Variants in DROSHA observed in about 807,000 individuals in gnomAD.
DROSHA encodes the protein ribonuclease 3.
A neutral mutation model predicts 181.9 loss-of-function variants in DROSHA; 56 were observed. The observed-to-expected ratio is 0.31, with a 90% CI of 0.25 to 0.38. DROSHA has a LOEUF of 0.38. DROSHA is among the 10% of genes least tolerant of loss of function. The pLI, the probability that DROSHA is intolerant of heterozygous loss-of-function variation, is 1.00. For missense variants in DROSHA, 1,218 were observed against 1,743.5 expected (o/e 0.70, Z 5.37); for synonymous variants, 524 against 591.2 (o/e 0.89, Z 1.65).
Position 31,515,017 on chromosome 5 carries a change from A to G in DROSHA, c.1261T>C (p.Tyr421His). The G allele has an allele frequency of 1.9e-6, 3 of 1,613,940 alleles. No individual in the cohort carries two copies. The highest frequency in any genetic ancestry group is 2.5e-6 in the Non-Finnish European group (3 of 1,179,874). The change falls in exon 8 of 36, where the codon TAC becomes CAC. Residue 421 changes from tyrosine to histidine, a missense_variant. By Grantham distance (83) the Tyr-to-His change is moderately conservative (BLOSUM62 2). Around this residue, in one of 8 missense-constraint regions of DROSHA, gnomAD observed 460 missense variants for 774.2 expected, o/e 0.59. Coordinates refer to ENST00000344624, the MANE Select transcript of DROSHA (RefSeq NM_001382508.1). ...TGATCCATGGGGTCACTGGAGTAGT[A>G]GTTTTCTGAATGAGTGCATCGAATC... ...VWIRCTHSEN[Y>H]YSSDPMDQVG...
intron 27 of DROSHA, among the ~76,000 whole-genome samples, chr5:31,427,782 A>G (rs1317191583): frequency 6.6e-6 from 1 of 152,204 alleles, no homozygotes; most frequent in African/African-American, 2.4e-5. Context: ...TTAGGCTTTC[A>G]TGATGCCTTA....
Position 31,448,586 on chromosome 5 carries a change from A to G in DROSHA, c.2843T>C (p.Ile948Thr). Residue 948 changes from isoleucine (I) to threonine (T), a missense_variant, in exon 23 of 36, where the codon ATC (isoleucine) becomes ACC (threonine). This residue lies in a region of DROSHA where 460 missense variants were observed against 774.2 expected (regional missense o/e 0.59). Transcript: ENST00000344624. Reference sequence around the variant, plus strand: ...GTCATCTTGGCCAAGGCGTGACATGATATTTATCAAGGTGTTAATCCCTAT... The same window carrying G: ...GTCATCTTGGCCAAGGCGTGACATGGTATTTATCAAGGTGTTAATCCCTAT... ...RKKGINTLIN[I>T]MSRLGQDDPT... The G allele has an allele frequency of 1.9e-6, 3 of 1,613,702 alleles. No individual in the cohort carries two copies. The highest frequency in any genetic ancestry group is 1.7e-6 in the Non-Finnish European group (2 of 1,179,720).
At chr5:31,437,344 T>TC (rs757042298) in intron 23 of DROSHA, 46 bp from the exon 24 acceptor site, 79 of 1,497,558 alleles carry the variant, frequency 5.3e-5, no homozygotes, top group Middle Eastern at 2.4e-4. Flanking sequence ...ATATTAACAC[T>TC]CCCCCCCACC....
chr5:31,515,438 C>G lies in DROSHA; in HGVS notation c.1058+16G>C, dbSNP rs1290518539. On this transcript the variant is annotated intron_variant, in intron 7 of 35. Coordinates refer to ENST00000344624, the MANE Select transcript of DROSHA (RefSeq NM_001382508.1). ...TAAAAATACAAATTCCCAGGCCCCA[C>G]CCCAGATCTACTTACTGATTCACAA... The G allele has an allele frequency of 8.3e-7, 1 of 1,210,838 alleles. No individual in the cohort carries two copies. The highest frequency in any genetic ancestry group is 1.2e-6 in the Non-Finnish European group (1 of 837,966). 75.0% of individuals were successfully genotyped at this position (1,210,838 alleles called of 1,614,324 possible). A position where few individuals can be genotyped will look rare whatever the true frequency, so the allele number is the denominator to read the frequency against.
chr5:31,496,952 C>T (rs1753052803), intron 11 of DROSHA, among the ~76,000 whole-genome samples: 1 of 152,232 alleles, frequency 6.6e-6, no homozygotes. Flanking sequence ...GGCATGCCTC[C>T]TCATCTGAGC....
At chr5:31,472,364 T>G in intron 16 of DROSHA, 132 bp from the exon 17 acceptor site, 1 of 1,091,370 alleles carries the variant, frequency 9.2e-7, no homozygotes, top group Non-Finnish European at 1.3e-6. Flanking sequence ...AATGTAAAAT[T>G]TACACTGTTT....
chr5:31,475,782 T>C (rs925119340), intron 16 of DROSHA, among the ~76,000 whole-genome samples: 6 of 152,114 alleles, frequency 3.9e-5, no homozygotes, highest in Admixed American at 3.9e-4. Flanking sequence ...CATATTTTCA[T>C]GGAGGGAGAG....
chr5:31,473,270 A>G (rs3806846), intron 16 of DROSHA, among the ~76,000 whole-genome samples: 12,375 of 152,214 alleles, frequency 0.081, 853 homozygotes, highest in East Asian at 0.22. Context: ...GGTGCACTAA[A>G]CAAGTTTAAT....
chr5:31,404,695 T>G (rs1369279771), intron 35 of DROSHA, among the ~76,000 whole-genome samples: 1 of 152,164 alleles, frequency 6.6e-6, no homozygotes, highest in Admixed American at 6.5e-5. Flanking sequence ...TGCAGTTTCC[T>G]ACAAGGTCAA....
chr5:31,528,989 GCTC>G, intron 4 of DROSHA, 48 bp downstream of exon 4: 1 of 1,607,602 alleles, frequency 6.2e-7, no homozygotes, highest in Non-Finnish European at 8.5e-7. Flanking sequence ...ACCAATGTCT[GCTC>G]CTCTCTCGGT....
chr5:31,451,103 G>A (rs969606419), intron 21 of DROSHA, among the ~76,000 whole-genome samples: 4 of 152,176 alleles, frequency 2.6e-5, no homozygotes, highest in Non-Finnish European at 1.5e-5. Context: ...TCAGGAGCCT[G>A]AGGCAGGAGA....
At position 31,411,582 on chromosome 5, in the gene DROSHA, T is replaced by C. The variant is rs1218111219; in HGVS notation, c.3526-695A>G. ...TATTTACATTTTTATTTTATTATTATTTTAAAGATTTATGGTATCTAGCTT... is the reference window on the plus strand; with the variant it reads ...TATTTACATTTTTATTTTATTATTACTTTAAAGATTTATGGTATCTAGCTT... On this transcript the variant is annotated intron_variant, in intron 30 of 35. Transcript: ENST00000344624. The surrounding 1 kb of genome is among the most constrained non-coding windows in gnomAD (Gnocchi z 4.2). 2.6e-5 allele frequency among the ~76,000 whole-genome samples: 4 copies of C among 152,182 alleles called. No homozygotes were observed. The highest frequency in any genetic ancestry group is 2.6e-4 in the Admixed American group (4 of 15,272).
At chr5:31,405,104 T>G (rs1740483148) in intron 35 of DROSHA, among the ~76,000 whole-genome samples, 1 of 152,196 alleles carries the variant, frequency 6.6e-6, no homozygotes, top group Non-Finnish European at 1.5e-5. Flanking sequence ...CAGTGGCTCA[T>G]GCCTGTAATC....
chr5:31,417,689 G>C (rs1052176327), intron 30 of DROSHA, among the ~76,000 whole-genome samples: 6 of 152,212 alleles, frequency 3.9e-5, no homozygotes, highest in Non-Finnish European at 8.8e-5. Flanking sequence ...AGTTGACAGA[G>C]AGGAGGTCTG....
chr5:31,524,420 G>T (rs758941499), intron 5 of DROSHA, among the ~76,000 whole-genome samples: 11 of 152,160 alleles, frequency 7.2e-5, no homozygotes, highest in Non-Finnish European at 1.5e-4. Context: ...GGTCTGGGGA[G>T]CTCAAACACT....
At chr5:31,435,599 T>C (rs1045839416) in intron 25 of DROSHA, among the ~76,000 whole-genome samples, 166 bp downstream of exon 25, 1 of 152,212 alleles carries the variant, frequency 6.6e-6, no homozygotes, top group Non-Finnish European at 1.5e-5. Context: ...GTAACAGAAC[T>C]AATAAGACTG....
At chr5:31,445,963 C>T (rs10058605) in intron 23 of DROSHA, among the ~76,000 whole-genome samples, 3,524 of 152,090 alleles carry the variant, frequency 0.023, 138 homozygotes, top group African/African-American at 0.081. Flanking sequence ...AAGGATTACA[C>T]GGGAAGAAGT....
intron 8 of DROSHA, among the ~76,000 whole-genome samples, chr5:31,511,921 T>TCTCA (rs1491562178): frequency 7.6e-6 from 1 of 131,586 alleles, no homozygotes; most frequent in African/African-American, 2.7e-5. Flanking sequence ...TCTCTCTCTC[T>TCTCA]CACACACACG....
At chr5:31,461,970 C>T (rs959717887) in intron 20 of DROSHA, among the ~76,000 whole-genome samples, 3 of 152,054 alleles carry the variant, frequency 2.0e-5, no homozygotes, top group African/African-American at 7.2e-5. Context: ...ACCTTGACAG[C>T]TAAATAATGC....
Sources: gnomAD v4.1 joint callset for allele counts (sites outside exome capture counted in the v4.1 genomes callset) on GRCh38, gnomAD v4.1.1 for gene constraint, gnomAD v4.1.1 regional missense constraint, Gnocchi (gnomAD v3.1) non-coding constraint, MANE v1.5 for transcripts, NCBI Gene and HGNC (gene_info 2026-07-23, HGNC 2026-07-21) for gene names.